The following APCDD1 variants were observed in gnomAD, a reference collection of about 807,000 sequenced individuals.
APCDD1 encodes protein APCDD1.
Under a neutral mutation model 38.1 loss-of-function variants are expected in APCDD1, and 15 were observed. The observed-to-expected ratio is 0.39, with a 90% CI of 0.26 to 0.61. APCDD1 has a LOEUF of 0.61. Ranked by LOEUF, APCDD1 falls within the 20% of genes least tolerant of loss-of-function variation. The pLI is 0.49. For synonymous variants in APCDD1, 261 were observed against 279.7 expected, an observed-to-expected ratio of 0.93 and a Z score of 0.67; for missense variants, 647 against 696.2, an observed-to-expected ratio of 0.93 and a Z score of 0.79.
rs778373480 is a variant in APCDD1, at chr18:10,468,659, G to A, written c.242+7G>A. The A allele has an allele frequency of 3.7e-6, 6 of 1,613,066 alleles. No individual in the cohort carries two copies. In the African/African-American group the frequency reaches 6.7e-5, roughly 18 times the overall value. ...GCCACTGGGTCTCCACAGGGTAAGA[G>A]GACAGGTGGGGTCTGGGAGAGGCCA... On this transcript the variant is annotated splice_region_variant and intron_variant, in intron 2 of 4. Coordinates refer to ENST00000355285, the MANE Select transcript of APCDD1 (RefSeq NM_153000.5).
Position 10,485,934 on chromosome 18 carries a change from G to C in APCDD1, c.1096+151G>C, listed in dbSNP as rs546404. 4 of 898,950 alleles carry C rather than the reference G, an allele frequency of 4.4e-6. No individual in the cohort carries two copies. The highest frequency in any genetic ancestry group is 3.5e-6 in the Non-Finnish European group (2 of 573,086). 55.7% of individuals were successfully genotyped at this position (898,950 alleles called of 1,614,324 possible). ...CATTTCTGCCTCAGTCCTTCCCAACGCCCTCTGAGTTTCTCCCTGCTCAAA... is the reference window on the plus strand; with the variant it reads ...CATTTCTGCCTCAGTCCTTCCCAACCCCCTCTGAGTTTCTCCCTGCTCAAA... On this transcript the variant is annotated intron_variant, in intron 4 of 4. Transcript: ENST00000355285. The surrounding 1 kb of genome is among the most constrained non-coding windows in gnomAD (Gnocchi z 5.8).
Position 10,488,036 on chromosome 18 carries a change from T to C in APCDD1, c.1543T>C (p.Ter515GlnextTer3). Reference protein sequence around the residue: ...VPLLHWNIRR* With the variant: ...VPLLHWNIRRQ ...TCTGCTGCATTGGAACATCCGCAGATAGAAGTTTTAGAAAGTTCTATTTTT... is the reference window on the plus strand; with the variant it reads ...TCTGCTGCATTGGAACATCCGCAGACAGAAGTTTTAGAAAGTTCTATTTTT... The change falls in exon 5 of 5, where the codon TAG becomes CAG. Residue 515 changes from the stop codon to glutamine, a stop_lost. Coordinates refer to ENST00000355285, the MANE Select transcript of APCDD1 (RefSeq NM_153000.5). The C allele has an allele frequency of 6.2e-7, 1 of 1,613,474 alleles. No homozygotes were observed. Among genetic ancestry groups the C allele is most frequent in the Non-Finnish European group, 8.5e-7 (1 of 1,180,040 alleles).
At chr18:10,457,388 C>T (rs572115368) in intron 1 of APCDD1, among the ~76,000 whole-genome samples, 5 of 152,266 alleles carry the variant, frequency 3.3e-5, no homozygotes, top group South Asian at 4.1e-4. Context: ...AACTGATAGG[C>T]GCTTTGCAGG....
rs1375625965 is a variant in APCDD1 at position 10,475,797 on chromosome 18, G to GC, written c.774+3736_774+3737insC. On this transcript the variant is annotated intron_variant, in intron 3 of 4. Coordinates refer to ENST00000355285, the MANE Select transcript of APCDD1 (RefSeq NM_153000.5). The surrounding 1 kb of genome is among the most constrained non-coding windows in gnomAD (Gnocchi z 4.0). Reference sequence around the variant, plus strand: ...AGCTGCCTCGCAAGATGGCTGAGGGGGGGGGGGGTCAGTGGAAGGCCGAGT... The same window carrying GC: ...AGCTGCCTCGCAAGATGGCTGAGGGGCGGGGGGGGTCAGTGGAAGGCCGAGT... 2.0e-5 allele frequency: 3 copies of GC among 151,302 alleles called. No homozygotes were observed. Among genetic ancestry groups the GC allele is most frequent in the South Asian group, 4.2e-4 (2 of 4,746 alleles). The allele number at this position is 151,302 out of a possible 1,614,324, so 9.4% of individuals were successfully genotyped here.
chr18:10,485,513 C>T lies in APCDD1; in HGVS notation c.826C>T (p.His276Tyr), dbSNP rs529396289. The T allele has an allele frequency of 4.3e-6, 7 of 1,614,160 alleles. No individual in the cohort carries two copies. The East Asian group carries it at 1.6e-4, about 36-fold the overall frequency. ...TCGGATCATCTATCGGTCAGACGAG[C>T]ACCACCCTCCCATCCTGCCCCCAAA... ...ACRIIYRSDE[H>Y]HPPILPPKAD... Residue 276 changes from histidine (H) to tyrosine (Y), a missense_variant, in exon 4 of 5, where the codon CAC (histidine) becomes TAC (tyrosine). His to Tyr is a moderately conservative substitution (Grantham distance 83, BLOSUM62 2). Coordinates refer to ENST00000355285, the MANE Select transcript of APCDD1 (RefSeq NM_153000.5). This position sits in a 1 kb window ranked among gnomAD's most constrained non-coding sequence, Gnocchi z 5.8.
At chr18:10,482,050 G>A (rs956378905) in intron 3 of APCDD1, among the ~76,000 whole-genome samples, 3 of 151,888 alleles carry the variant, frequency 2.0e-5, no homozygotes, top group African/African-American at 7.3e-5. Context: ...CCCCTCCCCC[G>A]AGCCTTTGCC....
At chr18:10,473,654 T>C (rs1034303898) in intron 3 of APCDD1, among the ~76,000 whole-genome samples, 1 of 152,194 alleles carries the variant, frequency 6.6e-6, no homozygotes, top group Non-Finnish European at 1.5e-5. Flanking sequence ...GAGAATCGGC[T>C]CATAGGGTGA....
chr18:10,478,029 G>A (rs1460373517), intron 3 of APCDD1, among the ~76,000 whole-genome samples: 1 of 152,108 alleles, frequency 6.6e-6, no homozygotes, highest in Non-Finnish European at 1.5e-5. Context: ...ATTCTAAGCT[G>A]CCTTGGAAGT....
Position 10,472,013 on chromosome 18 carries a change from G to A in APCDD1, c.726G>A (p.Arg242=), listed in dbSNP as rs778943965. Residue 242 remains arginine (R), a synonymous_variant, in exon 3 of 5, where the codon AGG becomes AGA. Coordinates refer to ENST00000355285, the MANE Select transcript of APCDD1 (RefSeq NM_153000.5). The surrounding 1 kb of genome is among the most constrained non-coding windows in gnomAD (Gnocchi z 6.6). ...LGDIHTDATQ[R]MFYRPSSYQP... is the part of the protein sequence containing the mutation. The stretch of plus-strand genomic sequence containing the variant: ...ACATTCACACTGATGCCACCCAGAG[G>A]ATGTTCTACCGGCCCTCCAGTTACC... The A allele has an allele frequency of 6.2e-7, 1 of 1,613,902 alleles. No individual in the cohort carries two copies. The highest frequency in any genetic ancestry group is 1.7e-5 in the Admixed American group (1 of 60,026).
At chr18:10,481,528 C>T (rs187056125) in intron 3 of APCDD1, among the ~76,000 whole-genome samples, 1 of 151,834 alleles carries the variant, frequency 6.6e-6, no homozygotes, top group Admixed American at 6.6e-5. Context: ...TTTCCAGGGG[C>T]AGGAGAGAGA....
rs1004025313 is a variant in APCDD1, at chr18:10,470,267, T to A, written c.243-1263T>A. 2.0e-5 allele frequency among the ~76,000 whole-genome samples: 3 copies of A among 152,170 alleles called. No homozygotes were observed. The highest frequency in any genetic ancestry group is 6.5e-5 in the Admixed American group (1 of 15,270). ...CAAAAGGGATCTTCTTTTCTAAACC[T>A]CATCTAACATGAATCACTGCTTACA... On this transcript the variant is annotated intron_variant, in intron 2 of 4. Transcript: ENST00000355285. The surrounding 1 kb of genome is among the most constrained non-coding windows in gnomAD (Gnocchi z 4.1).
chr18:10,458,852 A>G (rs959294775), intron 1 of APCDD1, among the ~76,000 whole-genome samples: 3 of 152,184 alleles, frequency 2.0e-5, no homozygotes, highest in Non-Finnish European at 2.9e-5. Context: ...CTGGAGTTGA[A>G]GTGATCGCAG....
rs769615162 is a variant in APCDD1, at chr18:10,471,906, C to A, written c.619C>A (p.His207Asn). 1 of 1,614,188 alleles carries A rather than the reference C, an allele frequency of 6.2e-7. No homozygotes were observed. The highest frequency in any genetic ancestry group is 8.5e-7 in the Non-Finnish European group (1 of 1,180,040). ...CACCAAGGCCGTGAACTTTGCCATG[C>A]ATGAACTTCAGCTCATCCGGGTGGA... ...ECTKAVNFAM[H>N]ELQLIRVEKQ... is the part of the protein sequence containing the mutation. Residue 207 changes from histidine (H) to asparagine (N), a missense_variant, in exon 3 of 5, where the codon CAT (histidine) becomes AAT (asparagine). Coordinates refer to ENST00000355285, the MANE Select transcript of APCDD1 (RefSeq NM_153000.5). This position sits in a 1 kb window ranked among gnomAD's most constrained non-coding sequence, Gnocchi z 5.5.
At chr18:10,463,879 G>C (rs548755701) in intron 1 of APCDD1, among the ~76,000 whole-genome samples, 76 of 152,308 alleles carry the variant, frequency 5.0e-4, no homozygotes, top group Non-Finnish European at 8.7e-4. Flanking sequence ...GTGTGAGCCT[G>C]AAATCACTGT....
intron 3 of APCDD1, among the ~76,000 whole-genome samples, chr18:10,478,619 C>G (rs912919361): frequency 1.3e-5 from 2 of 152,184 alleles, no homozygotes; most frequent in Non-Finnish European, 2.9e-5. Context: ...GCACTAATCC[C>G]CTTCTTAAGG....
rs2031013306 is a variant in APCDD1 at position 10,476,826 on chromosome 18, A to G, written c.774+4765A>G. 1 of 152,274 alleles carries G rather than the reference A, an allele frequency of 6.6e-6. No individual in the cohort carries two copies. The highest frequency in any genetic ancestry group is 1.5e-5 in the Non-Finnish European group (1 of 68,048). 9.4% of individuals were successfully genotyped at this position (152,274 alleles called of 1,614,324 possible). A position where few individuals can be genotyped will look rare whatever the true frequency, so the allele number is the denominator to read the frequency against. The stretch of plus-strand genomic sequence containing the variant: ...GGCTTTGGGAGTACCTGAGAACTGC[A>G]GAAAAAGAGCATGCTGTGCTTTCTC... On this transcript the variant is annotated intron_variant, in intron 3 of 4. Transcript: ENST00000355285. This position sits in a 1 kb window ranked among gnomAD's most constrained non-coding sequence, Gnocchi z 5.8.
intron 3 of APCDD1, among the ~76,000 whole-genome samples, chr18:10,479,329 A>G (rs761437549): frequency 6.6e-6 from 1 of 152,182 alleles, no homozygotes; most frequent in Non-Finnish European, 1.5e-5. Context: ...AGCTCAAGGA[A>G]CACTGCTTTT....
chr18:10,463,779 G>A (rs1174488980), intron 1 of APCDD1, among the ~76,000 whole-genome samples: 1 of 152,182 alleles, frequency 6.6e-6, no homozygotes, highest in Non-Finnish European at 1.5e-5. Flanking sequence ...TAAGAGTAAT[G>A]AAGATGTTGG....
intron 3 of APCDD1, among the ~76,000 whole-genome samples, chr18:10,481,749 C>T (rs2031144618): frequency 6.6e-6 from 1 of 151,974 alleles, no homozygotes; most frequent in Non-Finnish European, 1.5e-5. Flanking sequence ...GTTTCTCCCA[C>T]TCCCTGCACC....
Sources: allele counts gnomAD v4.1 joint callset (sites outside exome capture counted in the v4.1 genomes callset), GRCh38; gene constraint gnomAD v4.1.1; non-coding constraint Gnocchi (gnomAD v3.1); transcripts MANE v1.5; gene names NCBI Gene and HGNC (gene_info 2026-07-23, HGNC 2026-07-21).